The following FRYL variants were observed in gnomAD, a reference collection of about 807,000 sequenced individuals.
FRYL encodes the protein FRY like transcription coactivator, also known as protein furry homolog-like.
Under a neutral mutation model 351.2 loss-of-function variants are expected in FRYL, and 150 were observed. The ratio of observed to expected loss-of-function variants is 0.43; its 90% CI spans 0.37 to 0.49. The LOEUF (loss-of-function observed/expected upper bound fraction) is 0.49. FRYL is among the 20% of genes least tolerant of loss of function. The probability of loss-of-function intolerance (pLI) is 0.00; values close to 1 mark genes in which losing one functional copy is unlikely to be tolerated. For missense variants in FRYL, 3,036 were observed against 3,619.3 expected (o/e 0.84, Z 4.13); for synonymous variants, 1,153 against 1,257.1 (o/e 0.92, Z 1.75).
At chr4:48,559,672 A>G (rs1283589364) in intron 33 of FRYL, among the ~76,000 whole-genome samples, 11 of 57,084 alleles carry the variant, frequency 1.9e-4, no homozygotes, top group South Asian at 1.1e-3. Context: ...GGGAGAGAGG[A>G]AGAGGGGGAG....
intron 1 of FRYL, among the ~76,000 whole-genome samples, chr4:48,734,372 T>C (rs1771059928): frequency 6.6e-6 from 1 of 152,080 alleles, no homozygotes; most frequent in African/African-American, 2.4e-5. Context: ...CAATACTAAA[T>C]GTGTGTGTGT....
chr4:48,779,305 A>G (rs1180762935), intron 1 of FRYL, among the ~76,000 whole-genome samples: 1 of 152,120 alleles, frequency 6.6e-6, no homozygotes, highest in Non-Finnish European at 1.5e-5. Flanking sequence ...GCAGCAGGCA[A>G]TCTACAGGCC....
At chr4:48,687,726 G>A (rs963532700) in intron 2 of FRYL, among the ~76,000 whole-genome samples, 5 of 152,098 alleles carry the variant, frequency 3.3e-5, no homozygotes, top group African/African-American at 9.7e-5. Flanking sequence ...CAAGCAAATA[G>A]AGCAAAAATT....
intron 63 of FRYL, 90 bp downstream of exon 63, chr4:48,499,940 T>C (rs1379195677): frequency 1.0e-5 from 10 of 969,730 alleles, no homozygotes; most frequent in African/African-American, 1.6e-5. Flanking sequence ...AGACATGATA[T>C]GGAAACAGCA....
chr4:48,531,493 G>T, intron 49 of FRYL, 140 bp from the exon 50 acceptor site: 1 of 629,768 alleles, frequency 1.6e-6, no homozygotes, highest in East Asian at 2.8e-5. Flanking sequence ...TTAATGAAAG[G>T]TTTGAGTTAC....
chr4:48,603,328 T>C lies in FRYL; in HGVS notation c.895A>G (p.Thr299Ala). Residue 299 changes from threonine to alanine, a missense_variant, in exon 12 of 64, where the codon ACT (threonine) becomes GCT (alanine). Physicochemically the swap from Thr to Ala is moderately conservative, Grantham distance 58. Transcript: ENST00000358350. ...TTTCTCGAGCTCAGTTCAAAAGTAG[T>C]CTGATAAAGCATCTCCACAAAATTT... Reference protein sequence around the residue: ...LKNFVEMLYQTTFELSSRKKH... With the variant: ...LKNFVEMLYQATFELSSRKKH... 6.2e-7 allele frequency: 1 copy of C among 1,612,624 alleles called. No homozygotes were observed. Among genetic ancestry groups the C allele is most frequent in the Non-Finnish European group, 8.5e-7 (1 of 1,179,286 alleles).
intron 47 of FRYL, 100 bp from the exon 48 acceptor site, chr4:48,535,927 T>C (rs1451363990): frequency 1.2e-5 from 12 of 986,974 alleles, no homozygotes; most frequent in Non-Finnish European, 1.7e-5. Context: ...AATTTAGATG[T>C]ATATTGGTTT....
At chr4:48,657,613 T>TC (rs1169033370) in intron 3 of FRYL, among the ~76,000 whole-genome samples, 1 of 152,160 alleles carries the variant, frequency 6.6e-6, no homozygotes, top group Non-Finnish European at 1.5e-5. Flanking sequence ...ATCACATACC[T>TC]CATCACCATA....
chr4:48,547,737 G>C lies in FRYL; in HGVS notation c.4921C>G (p.His1641Asp). ...FDHCHPEVYE[H>D]CKRLLLHLLI... Reference sequence around the variant, plus strand: ...AAGTGCAGAAGCAGGCGTTTACAATGTTCATACACCTCAGGGTGGCAGTGG... The same window carrying C: ...AAGTGCAGAAGCAGGCGTTTACAATCTTCATACACCTCAGGGTGGCAGTGG... The change falls in exon 41 of 64, where the codon CAT (histidine) becomes GAT (aspartate). Residue 1641 changes from histidine (H) to aspartate (D), a missense_variant. By Grantham distance (81) the His-to-Asp change is moderately conservative. Transcript: ENST00000358350. 6.4e-7 allele frequency: 1 copy of C among 1,566,098 alleles called. No individual in the cohort carries two copies. The highest frequency in any genetic ancestry group is 1.3e-5 in the African/African-American group (1 of 74,304).
chr4:48,508,279 A>C (rs374225329), intron 59 of FRYL, among the ~76,000 whole-genome samples: 15 of 152,294 alleles, frequency 9.8e-5, no homozygotes, highest in African/African-American at 3.6e-4. Flanking sequence ...TCAGCTTGTC[A>C]ATTTCCATTA....
chr4:48,678,146 A>C (rs1290359082), intron 3 of FRYL, among the ~76,000 whole-genome samples: 2 of 152,174 alleles, frequency 1.3e-5, no homozygotes, highest in Non-Finnish European at 2.9e-5. Context: ...TAATCCCAGC[A>C]CTTTGGGAGG....
intron 53 of FRYL, among the ~76,000 whole-genome samples, chr4:48,525,379 A>G (rs1238527289): frequency 5.3e-5 from 8 of 152,268 alleles, no homozygotes; most frequent in Non-Finnish European, 1.2e-4. Context: ...CACAGCTCCT[A>G]AACTGACATG....
chr4:48,692,319 G>C (rs964239030), intron 2 of FRYL, among the ~76,000 whole-genome samples: 6 of 152,064 alleles, frequency 3.9e-5, no homozygotes, highest in Non-Finnish European at 5.9e-5. Context: ...ATTAGGTTAA[G>C]TCTAGAACTC....
rs1187237352 is a variant in FRYL at position 48,605,761 on chromosome 4, T to A, written c.814A>T (p.Ile272Phe). ...CTTACAGCAGCTACAGGGATAAGAA[T>A]CTCCACAAATAAACCAGCAAGTGCA... Reference protein sequence around the residue: ...KHALAGLFVEILIPVAAAVKN... With the variant: ...KHALAGLFVEFLIPVAAAVKN... The change falls in exon 11 of 64, where the codon ATT (isoleucine) becomes TTT (phenylalanine). Residue 272 changes from isoleucine (I) to phenylalanine (F), a missense_variant. Physicochemically the swap from Ile to Phe is conservative, Grantham distance 21. This residue lies in a region of FRYL where 457 missense variants were observed against 566.6 expected (regional missense o/e 0.81). Coordinates refer to ENST00000358350, the MANE Select transcript of FRYL (RefSeq NM_015030.2). The A allele has an allele frequency of 5.6e-6, 9 of 1,604,438 alleles. No individual in the cohort carries two copies. Among genetic ancestry groups the A allele is most frequent in the Non-Finnish European group, 7.7e-6 (9 of 1,172,120 alleles).
chr4:48,620,087 A>C (rs1207268713), intron 6 of FRYL, among the ~76,000 whole-genome samples: 1 of 152,222 alleles, frequency 6.6e-6, no homozygotes, highest in Non-Finnish European at 1.5e-5. Flanking sequence ...GAAAAATCAC[A>C]AGTGGCATCT....
chr4:48,536,177 G>A (rs1470391867), intron 47 of FRYL, among the ~76,000 whole-genome samples: 1 of 152,190 alleles, frequency 6.6e-6, no homozygotes, highest in Non-Finnish European at 1.5e-5. Context: ...CAGTGCACAA[G>A]TGACTACACA....
intron 1 of FRYL, among the ~76,000 whole-genome samples, chr4:48,773,438 T>G (rs1775718389): frequency 6.6e-6 from 1 of 152,194 alleles, no homozygotes. Flanking sequence ...TACTTTTAAC[T>G]TCCTTTAAAG....
chr4:48,572,666 AG>A (rs1463907461), intron 26 of FRYL, among the ~76,000 whole-genome samples: 1 of 152,292 alleles, frequency 6.6e-6, no homozygotes, highest in East Asian at 1.9e-4. Flanking sequence ...GTTAGAATTA[AG>A]GTTTTCATAA....
At chr4:48,514,787 T>C (rs2148791426) in intron 56 of FRYL, among the ~76,000 whole-genome samples, 1 of 152,356 alleles carries the variant, frequency 6.6e-6, no homozygotes, top group East Asian at 1.9e-4. Context: ...GCTTTGAAAA[T>C]AGCCTAATTG....
Sources: gnomAD v4.1 joint callset for allele counts (sites outside exome capture counted in the v4.1 genomes callset) on GRCh38, gnomAD v4.1.1 for gene constraint, gnomAD v4.1.1 regional missense constraint, MANE v1.5 for transcripts, NCBI Gene and HGNC (gene_info 2026-07-23, HGNC 2026-07-21) for gene names.